The following SLC13A2 variants were observed in gnomAD, a reference collection of about 807,000 sequenced individuals.
SLC13A2 encodes solute carrier family 13 member 2.
SLC13A2 carries 40 observed loss-of-function variants against 58.5 expected under a neutral mutation model. That is an observed-to-expected ratio of 0.68 (90% confidence interval 0.53 to 0.89). SLC13A2 has a LOEUF of 0.89. Ranked by LOEUF, SLC13A2 falls within the 40% of genes least tolerant of loss-of-function variation. The pLI is 0.00. For synonymous variants in SLC13A2, 341 were observed against 331.6 expected, an observed-to-expected ratio of 1.03 and a Z score of -0.31; for missense variants, 694 against 772.6, an observed-to-expected ratio of 0.90 and a Z score of 1.21.
intron 1 of SLC13A2, among the ~76,000 whole-genome samples, chr17:28,482,109 C>T (rs1320454045): frequency 6.6e-6 from 1 of 152,136 alleles, no homozygotes. Flanking sequence ...CTCTGCCTCC[C>T]GGGTGGTTCC....
At chr17:28,489,844 G>A (rs888062104) in intron 2 of SLC13A2, among the ~76,000 whole-genome samples, 7 of 152,192 alleles carry the variant, frequency 4.6e-5, no homozygotes, top group Admixed American at 6.5e-5. Context: ...TTTAGAAACC[G>A]CACTAAAGTA....
chr17:28,489,437 A>G (rs2068957748), intron 2 of SLC13A2, 95 bp downstream of exon 2: 1 of 1,414,840 alleles, frequency 7.1e-7, no homozygotes, highest in African/African-American at 1.4e-5. Flanking sequence ...GCCTCACCAT[A>G]GGCAGGGCAC....
Position 28,494,651 on chromosome 17 carries a change from C to T in SLC13A2, c.1308+139C>T. 1 of 1,266,102 alleles carries T rather than the reference C, an allele frequency of 7.9e-7. No homozygotes were observed. Among genetic ancestry groups the T allele is most frequent in the South Asian group, 1.4e-5 (1 of 68,988 alleles). 78.4% of individuals were successfully genotyped at this position (1,266,102 alleles called of 1,614,324 possible). A position where few individuals can be genotyped will look rare whatever the true frequency, so the allele number is the denominator to read the frequency against. Reference sequence around the variant, plus strand: ...TCTCGGGTAGGCAGAGCCTTTGCAGCAGCTGGGAAGACTTAGGTTAGAGCC... The same window carrying T: ...TCTCGGGTAGGCAGAGCCTTTGCAGTAGCTGGGAAGACTTAGGTTAGAGCC... On this transcript the variant is annotated intron_variant, in intron 9 of 11. Transcript: ENST00000314669. This position sits in a 1 kb window ranked among gnomAD's most constrained non-coding sequence, Gnocchi z 4.0.
chr17:28,492,997 C>A (rs887230392), intron 6 of SLC13A2, among the ~76,000 whole-genome samples: 3 of 152,246 alleles, frequency 2.0e-5, no homozygotes, highest in Admixed American at 1.3e-4. Flanking sequence ...CAGTGCCAGG[C>A]ACCACAGGGG....
At position 28,495,758 on chromosome 17, in the gene SLC13A2, C is replaced by T; in HGVS notation, c.1412C>T (p.Thr471Ile). Residue 471 changes from threonine (T) to isoleucine (I), a missense_variant, in exon 10 of 12, where the codon ACC (threonine) becomes ATC (isoleucine). Thr to Ile is a moderately conservative substitution (Grantham distance 89). Transcript: ENST00000314669. ...CTCTCCCTCCTGGTGGCCACCTTCACCGAGTGCACTAGCAACGTGGCCACC... is the reference window on the plus strand; with the variant it reads ...CTCTCCCTCCTGGTGGCCACCTTCATCGAGTGCACTAGCAACGTGGCCACC... ...IILSLLVATFTECTSNVATTT... is the reference protein window; with the variant it reads ...IILSLLVATFIECTSNVATTT... 6.2e-7 allele frequency: 1 copy of T among 1,613,530 alleles called. No homozygotes were observed. Among genetic ancestry groups the T allele is most frequent in the South Asian group, 1.1e-5 (1 of 91,072 alleles).
rs782732590 is a variant in SLC13A2, at chr17:28,473,686, C to T, written c.-27C>T. ...GTTACCCAGCTCCTGGAGGCAGTGG[C>T]TGTAGCAGCCCTTGCTGCTCCACAC... On this transcript the variant is annotated 5_prime_UTR_variant, in exon 1 of 12. Coordinates refer to ENST00000314669, the MANE Select transcript of SLC13A2 (RefSeq NM_003984.4). 1.3e-6 allele frequency: 2 copies of T among 1,568,970 alleles called. No homozygotes were observed. Among genetic ancestry groups the T allele is most frequent in the Non-Finnish European group, 1.8e-6 (2 of 1,141,416 alleles).
At chr17:28,477,334 C>CCG (rs2068697554) in intron 1 of SLC13A2, among the ~76,000 whole-genome samples, 3 of 151,576 alleles carry the variant, frequency 2.0e-5, no homozygotes, top group African/African-American at 2.4e-5. Flanking sequence ...GCTGGGACTA[C>CCG]AGTCACCTGC....
At chr17:28,484,933 G>A (rs782243668) in intron 1 of SLC13A2, among the ~76,000 whole-genome samples, 11 of 152,252 alleles carry the variant, frequency 7.2e-5, no homozygotes, top group African/African-American at 1.7e-4. Flanking sequence ...TGAACAGGGT[G>A]ACTTCCTTGG....
At chr17:28,482,886 C>T (rs1555601364) in intron 1 of SLC13A2, among the ~76,000 whole-genome samples, 1 of 152,232 alleles carries the variant, frequency 6.6e-6, no homozygotes, top group Non-Finnish European at 1.5e-5. Flanking sequence ...CCTCTGAGCG[C>T]CATTCTTCTG....
chr17:28,496,134 C>T lies in SLC13A2; in HGVS notation c.1471-316C>T, dbSNP rs540703889. On this transcript the variant is annotated intron_variant, in intron 10 of 11. Coordinates refer to ENST00000314669, the MANE Select transcript of SLC13A2 (RefSeq NM_003984.4). This position sits in a 1 kb window ranked among gnomAD's most constrained non-coding sequence, Gnocchi z 4.2. ...GACGGGGTGAAATTGCTCCCCGAAGCGTCCCAAGCCCCTTCCTCCCCAGGC... is the reference window on the plus strand; with the variant it reads ...GACGGGGTGAAATTGCTCCCCGAAGTGTCCCAAGCCCCTTCCTCCCCAGGC... Among the ~76,000 whole-genome samples the T allele has an allele frequency of 1.9e-4, 29 of 152,234 alleles. No individual in the cohort carries two copies. In the East Asian group the frequency reaches 5.4e-3, roughly 28 times the overall value.
rs2069111408 is a variant in SLC13A2 at position 28,494,977 on chromosome 17, C to T, written c.1308+465C>T. 6.6e-6 allele frequency among the ~76,000 whole-genome samples: 1 copy of T among 152,196 alleles called. No individual in the cohort carries two copies. On this transcript the variant is annotated intron_variant, in intron 9 of 11. Transcript: ENST00000314669. This position sits in a 1 kb window ranked among gnomAD's most constrained non-coding sequence, Gnocchi z 4.0. Reference sequence around the variant, plus strand: ...ATCCAAAAGAGGGAAATCCCTGACACGGCATCCCTGGGCCTCCGTGTTCTG... The same window carrying T: ...ATCCAAAAGAGGGAAATCCCTGACATGGCATCCCTGGGCCTCCGTGTTCTG...
intron 1 of SLC13A2, among the ~76,000 whole-genome samples, chr17:28,484,067 C>T (rs536827093): frequency 2.6e-5 from 4 of 152,358 alleles, no homozygotes; most frequent in African/African-American, 9.6e-5. Flanking sequence ...CATTCACCCA[C>T]TCATTCAGTG....
intron 1 of SLC13A2, among the ~76,000 whole-genome samples, chr17:28,478,172 T>C (rs1486560966): frequency 6.6e-6 from 1 of 152,194 alleles, no homozygotes; most frequent in African/African-American, 2.4e-5. Context: ...AAGTCCCAGC[T>C]AGGAAAAAAG....
In SLC13A2 at chr17:28,497,375, C is replaced by T; in HGVS notation, c.*106C>T. 7.9e-7 allele frequency: 1 copy of T among 1,273,190 alleles called. No individual in the cohort carries two copies. The highest frequency in any genetic ancestry group is 1.1e-6 in the Non-Finnish European group (1 of 922,702). 78.9% of individuals were successfully genotyped at this position (1,273,190 alleles called of 1,614,324 possible). On this transcript the variant is annotated 3_prime_UTR_variant, in exon 12 of 12. Coordinates refer to ENST00000314669, the MANE Select transcript of SLC13A2 (RefSeq NM_003984.4). Reference sequence around the variant, plus strand: ...CAAGCTCCAAGCTCCAGGCCAAAGGCTGAAAGGCACGTGTGTACATAATCT... The same window carrying T: ...CAAGCTCCAAGCTCCAGGCCAAAGGTTGAAAGGCACGTGTGTACATAATCT...
At chr17:28,490,615 CG>C in intron 3 of SLC13A2, 25 bp downstream of exon 3, 1 of 1,589,852 alleles carries the variant, frequency 6.3e-7, no homozygotes, top group East Asian at 2.2e-5. Flanking sequence ...CAAACCAGCA[CG>C]GGAGAACCTG....
At chr17:28,477,429 C>T (rs575928294) in intron 1 of SLC13A2, among the ~76,000 whole-genome samples, 19 of 151,802 alleles carry the variant, frequency 1.3e-4, no homozygotes, top group South Asian at 1.0e-3. Flanking sequence ...CTCCTGACCT[C>T]GTGATCCGCC....
rs185249578 is a variant in SLC13A2, at chr17:28,489,410, C to G, written c.231+68C>G. The G allele has an allele frequency of 3.9e-6, 6 of 1,528,106 alleles. No individual in the cohort carries two copies. In the East Asian group the frequency reaches 9.3e-5, roughly 24 times the overall value. 94.7% of individuals were successfully genotyped at this position (1,528,106 alleles called of 1,614,324 possible). A position where few individuals can be genotyped will look rare whatever the true frequency, so the allele number is the denominator to read the frequency against. On this transcript the variant is annotated intron_variant, in intron 2 of 11. Transcript: ENST00000314669. Reference sequence around the variant, plus strand: ...AGGCCAGGGGGTGGGTTCCCTCAGCCCTTGTTGACAAAGGAAGCCTCACCA... The same window carrying G: ...AGGCCAGGGGGTGGGTTCCCTCAGCGCTTGTTGACAAAGGAAGCCTCACCA...
intron 1 of SLC13A2, among the ~76,000 whole-genome samples, chr17:28,480,134 G>T (rs1406880010): frequency 1.3e-5 from 2 of 148,968 alleles, no homozygotes. Flanking sequence ...AGCCTGGGCA[G>T]CAGAGTGAGA....
rs1555604792 is a variant in SLC13A2, at chr17:28,497,171, C to G, written c.1681C>G (p.Pro561Ala). 6.2e-7 allele frequency: 1 copy of G among 1,614,168 alleles called. No homozygotes were observed. The highest frequency in any genetic ancestry group is 1.7e-5 in the Admixed American group (1 of 60,030). ...ACTGGCCATCAACAGCTGGGGCATC[C>G]CCCTCTTCAGCCTGCACTCTTTCCC... ...IALAINSWGI[P>A]LFSLHSFPSW... The change falls in exon 12 of 12, where the codon CCC becomes GCC. Residue 561 changes from proline (P) to alanine (A), a missense_variant. Pro to Ala is a conservative substitution (Grantham distance 27). Transcript: ENST00000314669.
Sources: allele counts gnomAD v4.1 joint callset (sites outside exome capture counted in the v4.1 genomes callset), GRCh38; gene constraint gnomAD v4.1.1; non-coding constraint Gnocchi (gnomAD v3.1); transcripts MANE v1.5; gene names NCBI Gene and HGNC (gene_info 2026-07-23, HGNC 2026-07-21).